DLG2: variants seen among roughly 807,000 people sequenced by gnomAD.
The protein encoded by DLG2 is discs large MAGUK scaffold protein 2, also known as disks large homolog 2.
Under a neutral mutation model 132.5 loss-of-function variants are expected in DLG2, and 45 were observed. That is an observed-to-expected ratio of 0.34 (90% CI 0.27 to 0.44). DLG2 has a LOEUF of 0.44. Ranked by LOEUF, DLG2 falls within the 20% of genes least tolerant of loss-of-function variation. The probability of loss-of-function intolerance (pLI) is 1.00; values close to 1 mark genes in which losing one functional copy is unlikely to be tolerated. For missense variants in DLG2, 1,045 were observed against 1,196.9 expected, an observed-to-expected ratio of 0.87 and a Z score of 1.87; for synonymous variants, 424 against 419.6, an observed-to-expected ratio of 1.01 and a Z score of -0.13.
intron 7 of DLG2, among the ~76,000 whole-genome samples, chr11:84,460,827 T>G (rs1433936748): frequency 6.6e-6 from 1 of 150,770 alleles, no homozygotes; most frequent in East Asian, 1.9e-4. Flanking sequence ...GAGCTCTTTC[T>G]TAGCCCATAT....
At chr11:85,319,085 A>C (rs1321210659) in intron 3 of DLG2, among the ~76,000 whole-genome samples, 1 of 151,918 alleles carries the variant, frequency 6.6e-6, no homozygotes, top group Non-Finnish European at 1.5e-5. Context: ...AAATGACTCT[A>C]TCTGTAACTT....
intron 4 of DLG2, among the ~76,000 whole-genome samples, chr11:85,241,586 T>A (rs2075880551): frequency 6.6e-6 from 1 of 151,948 alleles, no homozygotes; most frequent in Non-Finnish European, 1.5e-5. Flanking sequence ...TTAGGATGAT[T>A]TGGCTGGATA....
At chr11:84,787,374 C>T (rs1638768417) in intron 6 of DLG2, among the ~76,000 whole-genome samples, 1 of 152,164 alleles carries the variant, frequency 6.6e-6, no homozygotes, top group Admixed American at 6.5e-5. Flanking sequence ...TTGTCCTGTG[C>T]CTCTGTGCCT....
Position 84,669,583 on chromosome 11 carries a change from G to A in DLG2, c.358-134852C>T, listed in dbSNP as rs534764129. ...ATGGTGTAAGATATTAGATAGGTAC[G>A]GAAGAACAATATGCTTTCAAATAAC... On this transcript the variant is annotated intron_variant, in intron 6 of 27. Transcript: ENST00000376104. Among the ~76,000 whole-genome samples, 6 of 152,174 alleles carry A rather than the reference G, an allele frequency of 3.9e-5. No homozygotes were observed. The South Asian group carries it at 6.2e-4, about 16-fold the overall frequency.
At chr11:85,459,413 C>T (rs1480427722) in intron 3 of DLG2, among the ~76,000 whole-genome samples, 1 of 152,106 alleles carries the variant, frequency 6.6e-6, no homozygotes, top group South Asian at 2.1e-4. Context: ...AGCCCTCAGG[C>T]TCTTGGTTTC....
At chr11:85,529,469 A>G (rs2075035663) in intron 3 of DLG2, among the ~76,000 whole-genome samples, 1 of 152,126 alleles carries the variant, frequency 6.6e-6, no homozygotes, top group African/African-American at 2.4e-5. Flanking sequence ...TTCACTTGCT[A>G]CAAGAATAAA....
At chr11:83,895,273 C>T (rs1466106129) in intron 15 of DLG2, among the ~76,000 whole-genome samples, 1 of 151,450 alleles carries the variant, frequency 6.6e-6, no homozygotes, top group Non-Finnish European at 1.5e-5. Context: ...GATTCTCCTG[C>T]CTCAGCCTCC....
At chr11:84,946,862 A>G (rs1007507212) in intron 6 of DLG2, among the ~76,000 whole-genome samples, 2 of 152,118 alleles carry the variant, frequency 1.3e-5, no homozygotes, top group African/African-American at 4.8e-5. Flanking sequence ...TTAGCATGCA[A>G]TGGTGGTGCT....
chr11:84,826,096 T>C lies in DLG2; in HGVS notation c.357+285565A>G, dbSNP rs556601812. Among the ~76,000 whole-genome samples the C allele has an allele frequency of 1.5e-3, 226 of 152,002 alleles. 1 individual carries two copies. The highest frequency in any genetic ancestry group is 5.1e-3 in the African/African-American group (213 of 41,516). The stretch of plus-strand genomic sequence containing the variant: ...GGTAGATAGTAGGTATATATATTTA[T>C]GGGTTACATGAAATATTTTGACACA... On this transcript the variant is annotated intron_variant, in intron 6 of 27. Transcript: ENST00000376104.
intron 18 of DLG2, among the ~76,000 whole-genome samples, chr11:83,744,723 C>A (rs17548333): frequency 1.3e-5 from 2 of 152,000 alleles, no homozygotes; most frequent in Non-Finnish European, 2.9e-5. Flanking sequence ...ACAGAAAATG[C>A]CTCATGAATG....
chr11:84,485,528 G>A (rs1567756023), intron 7 of DLG2, among the ~76,000 whole-genome samples: 1 of 152,120 alleles, frequency 6.6e-6, no homozygotes, highest in African/African-American at 2.4e-5. Flanking sequence ...GCTCTCAGAA[G>A]ACAGGTCTAT....
intron 6 of DLG2, among the ~76,000 whole-genome samples, chr11:84,563,968 A>T (rs2154526617): frequency 6.6e-6 from 1 of 152,340 alleles, no homozygotes; most frequent in East Asian, 1.9e-4. Context: ...TTATATAGTG[A>T]TTGGAAATCA....
At chr11:84,795,986 C>G (rs905483401) in intron 6 of DLG2, among the ~76,000 whole-genome samples, 1 of 152,196 alleles carries the variant, frequency 6.6e-6, no homozygotes, top group African/African-American at 2.4e-5. Flanking sequence ...CTCACACACC[C>G]CTTGCCATTC....
chr11:83,662,382 C>A (rs1221789895), intron 18 of DLG2, among the ~76,000 whole-genome samples: 1 of 152,150 alleles, frequency 6.6e-6, no homozygotes, highest in East Asian at 1.9e-4. Flanking sequence ...AAGACACGAC[C>A]CCCAGCTCTT....
intron 6 of DLG2, among the ~76,000 whole-genome samples, chr11:84,752,106 G>A (rs775952284): frequency 3.9e-5 from 6 of 152,170 alleles, no homozygotes; most frequent in South Asian, 2.1e-4. Context: ...ATCTTATGTC[G>A]TGGAGAAAAC....
At chr11:84,714,637 C>T (rs1350474834) in intron 6 of DLG2, among the ~76,000 whole-genome samples, 90 of 141,124 alleles carry the variant, frequency 6.4e-4, no homozygotes, top group African/African-American at 2.4e-3. Flanking sequence ...CTCTCTCTCT[C>T]TCTCTCTCTT....
At chr11:83,571,904 T>C (rs1177587850) in intron 19 of DLG2, among the ~76,000 whole-genome samples, 2 of 152,074 alleles carry the variant, frequency 1.3e-5, no homozygotes, top group Non-Finnish European at 1.5e-5. Flanking sequence ...TAAAAAATCA[T>C]ATTTCTAAAG....
At chr11:84,547,698 T>C (rs1303635192) in intron 6 of DLG2, among the ~76,000 whole-genome samples, 1 of 152,192 alleles carries the variant, frequency 6.6e-6, no homozygotes, top group Admixed American at 6.5e-5. Flanking sequence ...CTCCCATGTC[T>C]GACTCCCTGA....
At chr11:83,668,410 CT>C (rs1352135283) in intron 18 of DLG2, among the ~76,000 whole-genome samples, 1 of 152,138 alleles carries the variant, frequency 6.6e-6, no homozygotes, top group Admixed American at 6.5e-5. Flanking sequence ...TAGCTCCATA[CT>C]TTTGTATAGG....
Sources: gnomAD v4.1 joint callset for allele counts (sites outside exome capture counted in the v4.1 genomes callset) on GRCh38, gnomAD v4.1.1 for gene constraint, MANE v1.5 for transcripts, NCBI Gene and HGNC (gene_info 2026-07-23, HGNC 2026-07-21) for gene names.